Variants in AK6 observed in about 807,000 individuals in gnomAD.
AK6 encodes the protein adenylate kinase isoenzyme 6.
A neutral mutation model predicts 23.7 loss-of-function variants in AK6; 24 were observed. The observed-to-expected ratio is 1.01, with a 90% CI of 0.73 to 1.43. The LOEUF is 1.43. Ranked by LOEUF, AK6 falls within the 40% of genes most tolerant of loss-of-function variation. The probability of loss-of-function intolerance (pLI) is 0.00; values close to 1 mark genes in which losing one functional copy is unlikely to be tolerated. For synonymous variants in AK6, 73 were observed against 69.8 expected (o/e 1.05, Z -0.23); for missense variants, 191 against 199.1 (o/e 0.96, Z 0.24).
chr5:69,359,907 T>G (rs1762184507), intron 2 of AK6, among the ~76,000 whole-genome samples: 1 of 152,164 alleles, frequency 6.6e-6, no homozygotes, highest in Non-Finnish European at 1.5e-5. Context: ...TTCTGCATAG[T>G]GAAGTTAGAC....
chr5:69,366,552 C>T lies in AK6; in HGVS notation c.72G>A (p.Ala24=), dbSNP rs77238909. 1.1e-3 allele frequency: 1,835 copies of T among 1,613,962 alleles called. 3 individuals carry two copies. The highest frequency in any genetic ancestry group is 1.5e-3 in the Non-Finnish European group (1,741 of 1,179,988). Residue 24 remains alanine (A), a synonymous_variant, in exon 2 of 5, where the codon GCG becomes GCA. Transcript: ENST00000380822. The part of the protein sequence containing the change: ...VGKTTLGKEL[A]SKSGLKYINV... ...TAATGTATTTCAGTCCTGATTTTGA[C>T]GCAAGTTCTTTGCCTAGTGTGGTTT... is the stretch of plus-strand genomic sequence containing the variant.
At chr5:69,361,141 C>T (rs911527886) in intron 2 of AK6, among the ~76,000 whole-genome samples, 14 of 152,160 alleles carry the variant, frequency 9.2e-5, no homozygotes, top group African/African-American at 3.1e-4. Flanking sequence ...AGCACTCTTA[C>T]AGTCATACCA....
At chr5:69,361,605 ATTT>A (rs111389621) in intron 2 of AK6, among the ~76,000 whole-genome samples, 3 of 133,328 alleles carry the variant, frequency 2.3e-5, no homozygotes, top group Admixed American at 1.5e-4. Flanking sequence ...CGCCGGACTG[ATTT>A]TTTTTTTTTT....
intron 2 of AK6, among the ~76,000 whole-genome samples, chr5:69,359,112 G>T (rs1006508172): frequency 6.6e-6 from 1 of 151,906 alleles, no homozygotes; most frequent in Non-Finnish European, 1.5e-5. Flanking sequence ...CCAGCATGGC[G>T]GTGCCAGCCT....
chr5:69,354,410 T>C (rs28544229), intron 4 of AK6, among the ~76,000 whole-genome samples: 130,966 of 152,190 alleles, frequency 0.86, 57,533 homozygotes, highest in Non-Finnish European at 0.95. Flanking sequence ...TTACAAGTAT[T>C]GCAAATAATA....
At chr5:69,362,500 T>G (rs1011298028) in intron 2 of AK6, among the ~76,000 whole-genome samples, 1 of 152,164 alleles carries the variant, frequency 6.6e-6, no homozygotes, top group Non-Finnish European at 1.5e-5. Flanking sequence ...ACAAAGTACC[T>G]CATCAGGCTG....
rs1443788552 is a variant in AK6 at position 69,355,915 on chromosome 5, GAC to G, written c.158_159del (p.Cys53SerfsTer5). On this transcript the variant is annotated frameshift_variant, in exon 3 of 5. Coordinates refer to ENST00000380822, the MANE Select transcript of AK6 (RefSeq NM_016283.5). LOFTEE classifies it high-confidence loss of function. Reference sequence around the variant, plus strand: ...CTTACTCTGTCTTCATCTAAAATGGGACAGTCATACTCTTCATCATAGCCATC... The same window carrying G: ...CTTACTCTGTCTTCATCTAAAATGGGAGTCATACTCTTCATCATAGCCATC... The part of the protein sequence containing the change: ...LYDGYDEEYD[C>X]PILDEDRVVD... 2 of 1,610,208 alleles carry G rather than the reference GAC, an allele frequency of 1.2e-6. No individual in the cohort carries two copies. The highest frequency in any genetic ancestry group is 1.7e-6 in the Non-Finnish European group (2 of 1,178,884).
At chr5:69,354,799 C>T (rs1470471930) in intron 4 of AK6, among the ~76,000 whole-genome samples, 1 of 152,096 alleles carries the variant, frequency 6.6e-6, no homozygotes, top group Admixed American at 6.6e-5. Flanking sequence ...CAAGGGTTTA[C>T]ATCAAAGAAA....
intron 4 of AK6, among the ~76,000 whole-genome samples, chr5:69,353,655 A>G (rs1319738883): frequency 6.6e-6 from 1 of 152,230 alleles, no homozygotes; most frequent in African/African-American, 2.4e-5. Context: ...ATACAAAAAA[A>G]CAAATGAGCA....
chr5:69,366,985 C>T (rs1762457699), intron 1 of AK6, among the ~76,000 whole-genome samples: 3 of 152,012 alleles, frequency 2.0e-5, no homozygotes, highest in Admixed American at 6.5e-5. Flanking sequence ...TCTCAAACTC[C>T]TAACCTCAGG....
At chr5:69,365,149 G>A (rs756811975) in intron 2 of AK6, 24 of 1,614,072 alleles carry the variant, frequency 1.5e-5, no homozygotes, top group Non-Finnish European at 1.7e-5. Context: ...TTTACAGCTG[G>A]AGACTGAGAA....
intron 1 of AK6, 158 bp downstream of exon 1, chr5:69,369,305 C>T: frequency 2.8e-6 from 2 of 720,494 alleles, no homozygotes; most frequent in Non-Finnish European, 2.1e-6. Context: ...CCGCAACGCC[C>T]GCGAGGGTCG....
rs1761960138 is a variant in AK6 at position 69,352,005 on chromosome 5, TATG to T, written c.*53_*55del. On this transcript the variant is annotated 3_prime_UTR_variant, in exon 5 of 5. Transcript: ENST00000380822. The stretch of plus-strand genomic sequence containing the variant: ...GTGTTACTGACACTTGAACAATTTC[TATG>T]ATGTCGGCAGAGATATCAACAAGAG... 2.7e-5 allele frequency: 40 copies of T among 1,458,120 alleles called. No individual in the cohort carries two copies. The South Asian group carries it at 5.2e-4, about 19-fold the overall frequency. 90.3% of individuals were successfully genotyped at this position (1,458,120 alleles called of 1,614,324 possible).
Position 69,351,811 on chromosome 5 carries a change from T to G in AK6, c.*250A>C. Reference sequence around the variant, plus strand: ...AAAGATATCCACCCATTTTGTCAGATTTATTTATTCTTTAGCAATTTAAGT... The same window carrying G: ...AAAGATATCCACCCATTTTGTCAGAGTTATTTATTCTTTAGCAATTTAAGT... On this transcript the variant is annotated 3_prime_UTR_variant, in exon 5 of 5. Transcript: ENST00000380822. The G allele has an allele frequency of 3.0e-6, 1 of 338,456 alleles. No individual in the cohort carries two copies. The highest frequency in any genetic ancestry group is 1.5e-4 in the South Asian group (1 of 6,570). The allele number at this position is 338,456 out of a possible 1,614,324, so 21.0% of individuals were successfully genotyped here. A position where few individuals can be genotyped will look rare whatever the true frequency, so the allele number is the denominator to read the frequency against.
At position 69,355,738 on chromosome 5, in the gene AK6, A is replaced by G; in HGVS notation, c.237T>C (p.His79=). 1 of 1,613,936 alleles carries G rather than the reference A, an allele frequency of 6.2e-7. No homozygotes were observed. Among genetic ancestry groups the G allele is most frequent in the Non-Finnish European group, 8.5e-7 (1 of 1,179,904 alleles). The change falls in exon 4 of 5, where the codon CAT becomes CAC. Residue 79 remains histidine, a synonymous_variant. Transcript: ENST00000380822. ...AGCGTTCAGGGAAGAAATCACAACC[A>G]TGGTAATCAACAATAACTCCACCTT... ...MREGGVIVDY[H]GCDFFPERWF...
chr5:69,362,857 T>C (rs1315458344), intron 2 of AK6, among the ~76,000 whole-genome samples: 1 of 152,220 alleles, frequency 6.6e-6, no homozygotes, highest in Non-Finnish European at 1.5e-5. Context: ...ACTTTTCCTT[T>C]AAGACTTAGA....
rs575446398 is a variant in AK6, at chr5:69,355,971, T to C, written c.122-18A>G. The C allele has an allele frequency of 1.9e-6, 3 of 1,580,626 alleles. No individual in the cohort carries two copies. The highest frequency in any genetic ancestry group is 2.0e-5 in the Admixed American group (1 of 50,718). ...CAATTGCTCTAAAAGAGATTTAGAA[T>C]TGCTTGTTGAAATATTTTCTAAGTA... is the stretch of plus-strand genomic sequence containing the variant. On this transcript the variant is annotated intron_variant, in intron 2 of 4. Transcript: ENST00000380822.
intron 2 of AK6, among the ~76,000 whole-genome samples, chr5:69,361,283 G>A (rs1038118112): frequency 2.6e-5 from 4 of 151,904 alleles, no homozygotes; most frequent in Non-Finnish European, 5.9e-5. Context: ...CACCACGCCC[G>A]GCTAATTTTT....
At chr5:69,359,255 A>T (rs558469557) in intron 2 of AK6, among the ~76,000 whole-genome samples, 50 of 150,190 alleles carry the variant, frequency 3.3e-4, no homozygotes, top group Admixed American at 2.1e-3. Context: ...TTTTTTTTTT[A>T]AATTTTGAGA....
Sources: allele counts gnomAD v4.1 joint callset (sites outside exome capture counted in the v4.1 genomes callset), GRCh38; gene constraint gnomAD v4.1.1; transcripts MANE v1.5; gene names NCBI Gene and HGNC (gene_info 2026-07-23, HGNC 2026-07-21).